ERCC1: variants seen among roughly 807,000 people sequenced by gnomAD.
ERCC1 encodes ERCC excision repair 1, endonuclease non-catalytic subunit, also known as DNA excision repair protein ERCC-1.
Under a neutral mutation model 37.6 loss-of-function variants are expected in ERCC1, and 36 were observed. That is an observed-to-expected ratio of 0.96 (90% CI 0.73 to 1.26). The LOEUF (loss-of-function observed/expected upper bound fraction) is 1.26, where lower values mean the gene tolerates loss of function less well. ERCC1 is among the 50% of genes most tolerant of loss of function. ERCC1 has a pLI of 0.00. For synonymous variants in ERCC1, 156 were observed against 162.1 expected (o/e 0.96, Z 0.28); for missense variants, 349 against 376.5 (o/e 0.93, Z 0.60).
intron 1 of ERCC1, among the ~76,000 whole-genome samples, chr19:45,430,165 C>T (rs995523259): frequency 2.6e-5 from 4 of 152,216 alleles, no homozygotes; most frequent in South Asian, 2.1e-4. Flanking sequence ...TCTCAGTCAT[C>T]GCCTTGTCCC....
At chr19:45,440,093 T>C (rs1282616799) in intron 1 of ERCC1, among the ~76,000 whole-genome samples, 3 of 151,462 alleles carry the variant, frequency 2.0e-5, no homozygotes, top group Non-Finnish European at 4.4e-5. Context: ...ACCCCCACTC[T>C]GCCCTGGCGG....
chr19:45,423,871 G>A lies in ERCC1; in HGVS notation c.-98C>T. On this transcript the variant is annotated 5_prime_UTR_variant, in exon 1 of 10. Coordinates refer to ENST00000300853, the MANE Select transcript of ERCC1 (RefSeq NM_001983.4). Reference sequence around the variant, plus strand: ...GAAAGACTGCAGAGGGATCGAGGCGGCCCACTGCCAGCACGGCCAGCGTGG... The same window carrying A: ...GAAAGACTGCAGAGGGATCGAGGCGACCCACTGCCAGCACGGCCAGCGTGG... The A allele has an allele frequency of 9.1e-7, 1 of 1,104,492 alleles. No homozygotes were observed. Among genetic ancestry groups the A allele is most frequent in the African/African-American group, 1.6e-5 (1 of 62,434 alleles). 68.4% of individuals were successfully genotyped at this position (1,104,492 alleles called of 1,614,324 possible).
intron 9 of ERCC1, among the ~76,000 whole-genome samples, chr19:45,413,173 T>C (rs982318050): frequency 1.3e-5 from 2 of 152,224 alleles, no homozygotes; most frequent in Admixed American, 6.6e-5. Flanking sequence ...CTTGTAGACG[T>C]TTCATGCATT....
At chr19:45,438,564 G>C (rs1228702645) in intron 1 of ERCC1, among the ~76,000 whole-genome samples, 1 of 151,878 alleles carries the variant, frequency 6.6e-6, no homozygotes, top group Non-Finnish European at 1.5e-5. Context: ...ATGCTCCTGT[G>C]ATCCTCCTAC....
chr19:45,413,410 G>C, intron 9 of ERCC1: 1 of 647,318 alleles, frequency 1.5e-6, no homozygotes, highest in East Asian at 2.7e-5. Context: ...GAGACTACAG[G>C]CACGTAGCAA....
chr19:45,449,702 C>T (rs978885954), intron 1 of ERCC1, among the ~76,000 whole-genome samples: 4 of 151,762 alleles, frequency 2.6e-5, no homozygotes, highest in Middle Eastern at 3.2e-3. Flanking sequence ...CGGTGGGTCA[C>T]GCCTGTAATC....
At chr19:45,437,021 G>A (rs1361011164) in intron 1 of ERCC1, among the ~76,000 whole-genome samples, 2 of 152,118 alleles carry the variant, frequency 1.3e-5, no homozygotes, top group African/African-American at 4.8e-5. Context: ...AGGCCAAGGT[G>A]GGTGAATCAC....
chr19:45,419,320 G>A (rs1367307198), intron 4 of ERCC1, 123 bp from the exon 5 acceptor site: 22 of 735,422 alleles, frequency 3.0e-5, no homozygotes, highest in Non-Finnish European at 4.8e-5. Flanking sequence ...GGGTCCTGAG[G>A]CCCACAGAGG....
At position 45,407,757 on chromosome 19, in the gene ERCC1, T is replaced by G. The variant is rs143529478; in HGVS notation, c.*1918A>C. ...AGATGGAGTCACTCTAGTCATGTTT[T>G]ATTAAAAACCAGAGGCCAGCCAGGC... On this transcript the variant is annotated 3_prime_UTR_variant, in exon 10 of 10. Coordinates refer to ENST00000300853, the MANE Select transcript of ERCC1 (RefSeq NM_001983.4). 7 of 251,082 alleles carry G rather than the reference T, an allele frequency of 2.8e-5. No individual in the cohort carries two copies. The highest frequency in any genetic ancestry group is 5.4e-5 in the Non-Finnish European group (7 of 130,236). The allele number at this position is 251,082 out of a possible 1,614,324, so 15.6% of individuals were successfully genotyped here. A position where few individuals can be genotyped will look rare whatever the true frequency, so the allele number is the denominator to read the frequency against.
At position 45,419,132 on chromosome 19, in the gene ERCC1, A is replaced by G. The variant is rs1193684320; in HGVS notation, c.491T>C (p.Phe164Ser). ...CTGGACAAGCAGGACCCGCAAGGCG[A>G]AGTTCTTCCCCAGGCTCTGCAGCCG... ...HGRLQSLGKN[F>S]ALRVLLVQVD... is the part of the protein sequence containing the mutation. The change falls in exon 5 of 10, where the codon TTC becomes TCC. Residue 164 changes from phenylalanine to serine, a missense_variant. Transcript: ENST00000300853. 27 of 1,592,948 alleles carry G rather than the reference A, an allele frequency of 1.7e-5. No homozygotes were observed. Among genetic ancestry groups the G allele is most frequent in the Non-Finnish European group, 2.1e-5 (24 of 1,168,892 alleles).
chr19:45,432,089 A>G (rs1974848242), intron 1 of ERCC1, among the ~76,000 whole-genome samples: 1 of 152,086 alleles, frequency 6.6e-6, no homozygotes, highest in East Asian at 1.9e-4. Flanking sequence ...CTCCTGCCTC[A>G]GCCTCCCGAG....
chr19:45,427,907 A>G (rs1017618089), upstream of ERCC1, among the ~76,000 whole-genome samples: 2 of 152,196 alleles, frequency 1.3e-5, no homozygotes, highest in East Asian at 1.9e-4. Context: ...TCCTTGAAGC[A>G]GAAGTGCGGT....
chr19:45,434,985 G>C (rs1189786521), intron 1 of ERCC1, among the ~76,000 whole-genome samples: 2 of 151,522 alleles, frequency 1.3e-5, no homozygotes, highest in Non-Finnish European at 2.9e-5. Context: ...GTTTTTCCAC[G>C]TTGGTCGGGC....
At chr19:45,419,778 G>A (rs1435344603) in intron 4 of ERCC1, among the ~76,000 whole-genome samples, 1 of 152,040 alleles carries the variant, frequency 6.6e-6, no homozygotes, top group African/African-American at 2.4e-5. Flanking sequence ...ATCAACTCCA[G>A]TCAAGGATGT....
chr19:45,423,519 G>A lies in ERCC1; in HGVS notation c.-7-138C>T, dbSNP rs1974570913. 8.8e-6 allele frequency: 13 copies of A among 1,469,212 alleles called. No homozygotes were observed. The South Asian group carries it at 1.1e-4, about 12-fold the overall frequency. 91.0% of individuals were successfully genotyped at this position (1,469,212 alleles called of 1,614,324 possible). A position where few individuals can be genotyped will look rare whatever the true frequency, so the allele number is the denominator to read the frequency against. On this transcript the variant is annotated intron_variant, in intron 1 of 9. Transcript: ENST00000300853. ...GTCAGGTCCCCAACACCCAGCGCTA[G>A]AGGCTCTGTAACGCCACGCCCCTTT...
In ERCC1 at chr19:45,408,477, T is replaced by C. The variant is rs368322936; in HGVS notation, c.*1198A>G. The C allele has an allele frequency of 3.2e-5, 52 of 1,613,648 alleles. No homozygotes were observed. The African/African-American group carries it at 6.7e-4, about 21-fold the overall frequency. ...AGGTCAGCCTTGGCCCCCAACCTGCTCACCTCAGGGAAGAAGAAAAAGGAG... is the reference window on the plus strand; with the variant it reads ...AGGTCAGCCTTGGCCCCCAACCTGCCCACCTCAGGGAAGAAGAAAAAGGAG... On this transcript the variant is annotated 3_prime_UTR_variant, in exon 10 of 10. Transcript: ENST00000300853.
At chr19:45,416,024 G>A (rs553027835) in intron 6 of ERCC1, among the ~76,000 whole-genome samples, 42 of 151,956 alleles carry the variant, frequency 2.8e-4, no homozygotes, top group African/African-American at 8.9e-4. Flanking sequence ...AGTCTCAGCT[G>A]CTCGGGAGGC....
chr19:45,431,414 C>T (rs540083872), intron 1 of ERCC1, among the ~76,000 whole-genome samples: 1 of 152,278 alleles, frequency 6.6e-6, no homozygotes, highest in Admixed American at 6.5e-5. Flanking sequence ...AGCAGTGGCT[C>T]ATGCCTGTAA....
rs768616376 is a variant in ERCC1 at position 45,420,391 on chromosome 19, G to A, written c.358C>T (p.Pro120Ser). The change falls in exon 4 of 10, where the codon CCC becomes TCC. Residue 120 changes from proline (P) to serine (S), a missense_variant. Pro to Ser is a moderately conservative substitution (Grantham distance 74, BLOSUM62 -1). Coordinates refer to ENST00000300853, the MANE Select transcript of ERCC1 (RefSeq NM_001983.4). This position sits in a 1 kb window ranked among gnomAD's most constrained non-coding sequence, Gnocchi z 4.8. ...GGAATTACGTCGCCAAATTCCCAGG[G>A]CACATTGCGCACGAACTTCAGTACG... ...NPVLKFVRNV[P>S]WEFGDVIPDY... 3 of 1,613,760 alleles carry A rather than the reference G, an allele frequency of 1.9e-6. No individual in the cohort carries two copies. Among genetic ancestry groups the A allele is most frequent in the Non-Finnish European group, 2.5e-6 (3 of 1,179,822 alleles).
Sources: gnomAD v4.1 joint callset for allele counts (sites outside exome capture counted in the v4.1 genomes callset) on GRCh38, gnomAD v4.1.1 for gene constraint, Gnocchi (gnomAD v3.1) non-coding constraint, MANE v1.5 for transcripts, NCBI Gene and HGNC (gene_info 2026-07-23, HGNC 2026-07-21) for gene names.